FAM135A: variants seen among roughly 807,000 people sequenced by gnomAD.
The protein encoded by FAM135A is family with sequence similarity 135 member A, also known as protein FAM135A.
FAM135A carries 79 observed loss-of-function variants against 146.8 expected under a neutral mutation model. That is an observed-to-expected ratio of 0.54 (90% confidence interval 0.45 to 0.65). The LOEUF is 0.65. FAM135A is among the 30% of genes least tolerant of loss of function. The pLI is 0.00. For synonymous variants in FAM135A, 562 were observed against 603.6 expected (o/e 0.93, Z 1.01); for missense variants, 1,623 against 1,758.2 (o/e 0.92, Z 1.38).
intron 20 of FAM135A, among the ~76,000 whole-genome samples, chr6:70,543,308 A>C (rs535815075): frequency 6.6e-6 from 1 of 152,062 alleles, no homozygotes; most frequent in South Asian, 2.1e-4. Flanking sequence ...CTTCCATTCT[A>C]CTCTTGAAAT....
At chr6:70,442,382 T>C (rs1774754562) in intron 4 of FAM135A, among the ~76,000 whole-genome samples, 1 of 152,108 alleles carries the variant, frequency 6.6e-6, no homozygotes, top group South Asian at 2.1e-4. Context: ...TAGTGTTGTT[T>C]AGGGATTGAC....
intron 20 of FAM135A, among the ~76,000 whole-genome samples, chr6:70,542,673 G>A (rs1044780802): frequency 2.0e-5 from 3 of 152,068 alleles, no homozygotes; most frequent in Admixed American, 6.6e-5. Flanking sequence ...ATACTTTTAT[G>A]TCCCCAATCT....
intron 4 of FAM135A, among the ~76,000 whole-genome samples, chr6:70,444,209 C>A (rs1322174452): frequency 6.6e-6 from 1 of 152,024 alleles, no homozygotes. Context: ...TTGAGACTAG[C>A]CTGGCCAATA....
intron 4 of FAM135A, among the ~76,000 whole-genome samples, chr6:70,445,326 C>T (rs1162030446): frequency 6.6e-6 from 1 of 151,404 alleles, no homozygotes; most frequent in Non-Finnish European, 1.5e-5. Flanking sequence ...AAGCTGTTGA[C>T]CATTGGTATG....
chr6:70,557,223 C>T, intron 21 of FAM135A: 1 of 367,340 alleles, frequency 2.7e-6, no homozygotes, highest in South Asian at 1.0e-4. Flanking sequence ...CCCCTCTTTA[C>T]TGATAGTAAA....
intron 4 of FAM135A, among the ~76,000 whole-genome samples, chr6:70,448,303 T>C (rs576004928): frequency 6.6e-6 from 1 of 152,310 alleles, no homozygotes; most frequent in African/African-American, 2.4e-5. Flanking sequence ...ACCTGCTCTG[T>C]AACCTCTTCT....
At chr6:70,430,751 A>G (rs1771390374) in intron 4 of FAM135A, among the ~76,000 whole-genome samples, 1 of 152,168 alleles carries the variant, frequency 6.6e-6, no homozygotes, top group Non-Finnish European at 1.5e-5. Flanking sequence ...ATCTTTGTTC[A>G]AGGGCTTTGT....
intron 11 of FAM135A, among the ~76,000 whole-genome samples, chr6:70,493,924 G>T (rs1272616367): frequency 2.0e-5 from 3 of 151,844 alleles, no homozygotes; most frequent in African/African-American, 7.3e-5. Context: ...ATGGTGGCGG[G>T]CACCTGCAAT....
intron 7 of FAM135A, 141 bp downstream of exon 7, chr6:70,475,874 G>C: frequency 1.5e-6 from 1 of 651,760 alleles, no homozygotes; most frequent in Non-Finnish European, 2.6e-6. Context: ...AACTTCATGA[G>C]AATGATTAGG....
chr6:70,470,464 C>T (rs984224816), intron 5 of FAM135A, among the ~76,000 whole-genome samples: 1 of 152,184 alleles, frequency 6.6e-6, no homozygotes, highest in African/African-American at 2.4e-5. Flanking sequence ...TCAAGCAGTT[C>T]TCCTGCCTCA....
rs145620682 is a variant in FAM135A, at chr6:70,503,242, A to G, written c.1029+451A>G. 3.6e-3 allele frequency: 552 copies of G among 153,576 alleles called. 1 individual carries two copies. The Middle Eastern group carries it at 0.037, about 10-fold the overall frequency. The allele number at this position is 153,576 out of a possible 1,614,324, so 9.5% of individuals were successfully genotyped here. On this transcript the variant is annotated intron_variant, in intron 12 of 21. Transcript: ENST00000418814. The stretch of plus-strand genomic sequence containing the variant: ...GGAGGGGGCAGTCCACACATTACAC[A>G]TATATGTTTACTGTAGACCTAGTAT...
At chr6:70,523,899 A>G in intron 13 of FAM135A, 68 bp from the exon 14 acceptor site, 2 of 1,486,524 alleles carry the variant, frequency 1.3e-6, no homozygotes, top group South Asian at 1.3e-5. Context: ...GGGAAAGGGT[A>G]GATTCTACAA....
chr6:70,512,264 G>T (rs552113109), intron 12 of FAM135A, among the ~76,000 whole-genome samples: 41 of 151,716 alleles, frequency 2.7e-4, no homozygotes, highest in Admixed American at 2.0e-4. Context: ...TTATGGTATC[G>T]TATATCAGAA....
At chr6:70,538,178 G>A in intron 19 of FAM135A, 113 bp from the exon 20 acceptor site, 1 of 558,616 alleles carries the variant, frequency 1.8e-6, no homozygotes, top group Non-Finnish European at 2.8e-6. Context: ...CAACAAAAAT[G>A]CTAATTTAGG....
chr6:70,460,255 A>G (rs1308800827), intron 5 of FAM135A, among the ~76,000 whole-genome samples: 3 of 152,276 alleles, frequency 2.0e-5, no homozygotes, highest in African/African-American at 7.2e-5. Context: ...TTATTCTCAT[A>G]TGTGTTTCTG....
At chr6:70,430,059 G>A (rs1385554683) in intron 4 of FAM135A, among the ~76,000 whole-genome samples, 1 of 152,098 alleles carries the variant, frequency 6.6e-6, no homozygotes, top group Non-Finnish European at 1.5e-5. Context: ...GCAGAAGGCC[G>A]GGTGCGGTGG....
intron 4 of FAM135A, among the ~76,000 whole-genome samples, chr6:70,440,884 T>C (rs1774306696): frequency 6.6e-6 from 1 of 152,196 alleles, no homozygotes; most frequent in African/African-American, 2.4e-5. Context: ...TGTGCATTTA[T>C]TAGCTGGAAT....
intron 4 of FAM135A, among the ~76,000 whole-genome samples, chr6:70,428,648 G>A (rs961494804): frequency 6.6e-6 from 1 of 152,084 alleles, no homozygotes; most frequent in African/African-American, 2.4e-5. Context: ...TTTGTAGTGA[G>A]CCTTGAGAGG....
chr6:70,559,052 T>C (rs1364599125), intron 21 of FAM135A, among the ~76,000 whole-genome samples: 3 of 152,250 alleles, frequency 2.0e-5, no homozygotes, highest in Non-Finnish European at 4.4e-5. Context: ...TGTCTCACCA[T>C]GTCTAGCTTA....
Sources: allele counts gnomAD v4.1 joint callset (sites outside exome capture counted in the v4.1 genomes callset), GRCh38; gene constraint gnomAD v4.1.1; transcripts MANE v1.5; gene names NCBI Gene and HGNC (gene_info 2026-07-23, HGNC 2026-07-21).